Variants in RELN observed in about 807,000 individuals in gnomAD.
RELN encodes reelin.
RELN carries 108 observed loss-of-function variants against 427.6 expected under a neutral mutation model. The observed-to-expected ratio is 0.25, with a 90% CI of 0.22 to 0.30. The LOEUF (loss-of-function observed/expected upper bound fraction) is 0.30, where lower values mean the gene tolerates loss of function less well. Among genes scored for constraint, RELN ranks in the 10% least tolerant of loss-of-function variants. RELN has a pLI of 1.00. For missense variants in RELN, 3,715 were observed against 4,302.8 expected (o/e 0.86, Z 3.82); for synonymous variants, 1,524 against 1,513.4 (o/e 1.01, Z -0.16).
intron 63 of RELN, chr7:103,482,050 A>G (rs919617149): frequency 1.3e-5 from 2 of 152,196 alleles, no homozygotes; most frequent in Non-Finnish European, 2.9e-5. Flanking sequence ...GCTCATGGCT[A>G]TGACTGAACC....
At chr7:103,725,386 C>A (rs1790180952) in intron 7 of RELN, among the ~76,000 whole-genome samples, 2 of 152,058 alleles carry the variant, frequency 1.3e-5, no homozygotes, top group Admixed American at 6.5e-5. Flanking sequence ...GACCTCATCT[C>A]TACAAACAAT....
At chr7:103,652,399 G>T (rs1057088089) in intron 14 of RELN, 152 bp downstream of exon 14, 7 of 660,548 alleles carry the variant, frequency 1.1e-5, no homozygotes, top group Admixed American at 9.7e-5. Context: ...ATTAATTGAA[G>T]AACTTTTCAT....
intron 38 of RELN, among the ~76,000 whole-genome samples, chr7:103,556,426 C>CGT (rs202002878): frequency 0.09 from 9,528 of 105,612 alleles, 686 homozygotes; most frequent in African/African-American, 0.26. Context: ...ATTATATATA[C>CGT]GTGTATATAT....
intron 4 of RELN, among the ~76,000 whole-genome samples, chr7:103,762,065 C>T (rs900244565): frequency 6.6e-6 from 1 of 152,172 alleles, no homozygotes; most frequent in African/African-American, 2.4e-5. Context: ...CTTTATTTCT[C>T]AGCGCCCCCC....
intron 1 of RELN, among the ~76,000 whole-genome samples, chr7:103,946,056 A>G (rs538994794): frequency 2.6e-5 from 4 of 152,250 alleles, no homozygotes; most frequent in African/African-American, 9.6e-5. Context: ...TACTTGTTCA[A>G]TCTCTAAATC....
At chr7:103,556,550 G>A (rs543137518) in intron 38 of RELN, among the ~76,000 whole-genome samples, 1 of 152,218 alleles carries the variant, frequency 6.6e-6, no homozygotes, top group Non-Finnish European at 1.5e-5. Flanking sequence ...CATGTATTGT[G>A]GGAGGGACCC....
chr7:103,725,825 T>C (rs1584438570), intron 7 of RELN, among the ~76,000 whole-genome samples: 1 of 152,174 alleles, frequency 6.6e-6, no homozygotes, highest in East Asian at 1.9e-4. Flanking sequence ...AAACTTGTGC[T>C]ATGTCCAGGT....
At chr7:103,594,542 T>TC (rs770887923) in intron 25 of RELN, 50 bp from the exon 26 acceptor site, 1 of 1,593,816 alleles carries the variant, frequency 6.3e-7, no homozygotes, top group Admixed American at 1.7e-5. Flanking sequence ...GCTGTGCTTT[T>TC]TTTTTTTCAG....
intron 60 of RELN, among the ~76,000 whole-genome samples, chr7:103,487,442 AT>A (rs1828481859): frequency 6.9e-6 from 1 of 145,690 alleles, no homozygotes; most frequent in Non-Finnish European, 1.5e-5. Context: ...AGGAAAAAAA[AT>A]GAATGTTGTT....
At chr7:103,756,568 T>TTTCTTTTCCAG (rs1160491572) in intron 4 of RELN, among the ~76,000 whole-genome samples, 3 of 152,344 alleles carry the variant, frequency 2.0e-5, no homozygotes, top group African/African-American at 7.2e-5. Flanking sequence ...TTAGTTGTAA[T>TTTCTTTTCCAG]ATATTTTATG....
chr7:103,567,791 T>TA lies in RELN; in HGVS notation c.4589-1033_4589-1032insT, dbSNP rs1562896296. On this transcript the variant is annotated intron_variant, in intron 31 of 64. Transcript: ENST00000428762. ...ATTTTTACTTTATTATATATATATT[T>TA]TATATATATATATATTTTAATTGAG... is the stretch of plus-strand genomic sequence containing the variant. Among the ~76,000 whole-genome samples, 85 of 148,372 alleles carry TA rather than the reference T, an allele frequency of 5.7e-4. 2 individuals carry two copies. The highest frequency in any genetic ancestry group is 2.4e-4 in the Non-Finnish European group (16 of 67,210).
chr7:103,975,221 T>C (rs1025268879), intron 1 of RELN, among the ~76,000 whole-genome samples: 7 of 152,202 alleles, frequency 4.6e-5, no homozygotes, highest in Non-Finnish European at 8.8e-5. Flanking sequence ...CAGACAACAA[T>C]TTTAACTATA....
chr7:103,651,777 T>C lies in RELN; in HGVS notation c.1776A>G (p.Glu592=), dbSNP rs2072403. 0.059 allele frequency: 95,474 copies of C among 1,610,778 alleles called. 3,875 individuals carry two copies. Among genetic ancestry groups the C allele is most frequent in the African/African-American group, 0.19 (14,031 of 74,680 alleles). ...AGGAGCGCCCATGGTTGGTAGAAAATTCCAAGCTGACACTAATAAAACCAG... is the reference window on the plus strand; with the variant it reads ...AGGAGCGCCCATGGTTGGTAGAAAACTCCAAGCTGACACTAATAAAACCAG... ...THQPGNSVSL[E]FSTNHGRSWS... Residue 592 remains glutamate, a synonymous_variant, in exon 15 of 65, where the codon GAA becomes GAG. Coordinates refer to ENST00000428762, the MANE Select transcript of RELN (RefSeq NM_005045.4).
chr7:103,754,833 C>G (rs1361416900), intron 4 of RELN, among the ~76,000 whole-genome samples: 1 of 152,030 alleles, frequency 6.6e-6, no homozygotes, highest in Non-Finnish European at 1.5e-5. Flanking sequence ...ATTTAACGGA[C>G]AGGTGGAAGA....
chr7:103,682,330 T>C, intron 10 of RELN, 69 bp from the exon 11 acceptor site: 5 of 1,550,836 alleles, frequency 3.2e-6, no homozygotes, highest in Non-Finnish European at 4.4e-6. Context: ...CTTACTCATG[T>C]ATAATTAGAG....
intron 2 of RELN, among the ~76,000 whole-genome samples, chr7:103,835,954 C>CTTTTTTTTTTTTTT (rs10569884): frequency 2.8e-5 from 4 of 142,440 alleles, no homozygotes; most frequent in African/African-American, 7.8e-5. Flanking sequence ...CTCAATTACC[C>CTTTTTTTTTTTTTT]TTTTTTTTTT....
chr7:103,967,093 G>C (rs1796674977), intron 1 of RELN, among the ~76,000 whole-genome samples: 1 of 152,076 alleles, frequency 6.6e-6, no homozygotes, highest in Admixed American at 6.5e-5. Context: ...CCACTAACAG[G>C]ATAGGCCCTT....
At chr7:103,584,270 CAGATTGGATAAGAAAACAT>C (rs895388421) in intron 28 of RELN, among the ~76,000 whole-genome samples, 5 of 152,162 alleles carry the variant, frequency 3.3e-5, no homozygotes, top group Non-Finnish European at 2.9e-5. Context: ...TACAGACTGG[CAGATTGGATAAGAAAACAT>C]AGATCCAATT....
intron 3 of RELN, among the ~76,000 whole-genome samples, chr7:103,778,102 A>T (rs262341): frequency 0.76 from 115,683 of 152,212 alleles, 44,086 homozygotes; most frequent in South Asian, 0.86. Context: ...TATTCACATA[A>T]GTTTATAGGT....
Sources: allele counts gnomAD v4.1 joint callset (sites outside exome capture counted in the v4.1 genomes callset), GRCh38; gene constraint gnomAD v4.1.1; transcripts MANE v1.5; gene names NCBI Gene and HGNC (gene_info 2026-07-23, HGNC 2026-07-21).